Variants in SHISA9 observed in about 807,000 individuals in gnomAD.
SHISA9 encodes the protein shisa family member 9.
In SHISA9, 13 loss-of-function variants were observed where a neutral mutation model predicts 38.0. The ratio of observed to expected loss-of-function variants is 0.34; its 90% CI spans 0.22 to 0.54. The LOEUF (loss-of-function observed/expected upper bound fraction) is 0.54, where lower values mean the gene tolerates loss of function less well. Ranked by LOEUF, SHISA9 falls within the 20% of genes least tolerant of loss-of-function variation. The pLI is 0.91. For synonymous variants in SHISA9, 275 were observed against 242.0 expected (o/e 1.14, Z -1.27); for missense variants, 538 against 575.8 (o/e 0.93, Z 0.67).
At chr16:13,257,151 C>T in the SHISA9 span, among the ~76,000 whole-genome samples, 1 of 152,292 alleles carries the variant, frequency 6.6e-6, no homozygotes, top group South Asian at 2.1e-4. Context: ...CCCTTACATT[C>T]TTTCTCAGCC....
intron 2 of SHISA9, among the ~76,000 whole-genome samples, chr16:12,984,187 T>A (rs11645738): frequency 0.18 from 28,027 of 152,084 alleles, 3,361 homozygotes; most frequent in Middle Eastern, 0.31. Context: ...CCCACCTCTT[T>A]AAGCTTCCTT....
chr16:13,249,593 A>C, the SHISA9 span, among the ~76,000 whole-genome samples: 1 of 152,122 alleles, frequency 6.6e-6, no homozygotes, highest in Non-Finnish European at 1.5e-5. Flanking sequence ...AGACACATAA[A>C]TTACAGACTC....
At chr16:13,405,480 T>G in the SHISA9 span, among the ~76,000 whole-genome samples, 3 of 152,242 alleles carry the variant, frequency 2.0e-5, no homozygotes, top group African/African-American at 7.2e-5. Flanking sequence ...GTTAGTTTCT[T>G]CAACATTTAT....
intron 2 of SHISA9, among the ~76,000 whole-genome samples, chr16:13,039,723 A>G (rs2073112988): frequency 6.6e-6 from 1 of 152,130 alleles, no homozygotes; most frequent in East Asian, 1.9e-4. Flanking sequence ...GAATGCACAA[A>G]CCCCACACAC....
chr16:13,255,095 C>T, the SHISA9 span, among the ~76,000 whole-genome samples: 1 of 152,166 alleles, frequency 6.6e-6, no homozygotes, highest in East Asian at 1.9e-4. Flanking sequence ...TGGAGGACAT[C>T]ACTGATGCCT....
chr16:12,982,127 A>G (rs1311023663), intron 2 of SHISA9, among the ~76,000 whole-genome samples: 1 of 152,238 alleles, frequency 6.6e-6, no homozygotes. Context: ...AGAGAGGTTA[A>G]GAAACTTCCT....
chr16:12,918,312 C>A (rs151281860), intron 2 of SHISA9, among the ~76,000 whole-genome samples: 2 of 152,120 alleles, frequency 1.3e-5, no homozygotes, highest in Non-Finnish European at 2.9e-5. Flanking sequence ...TGAACCTAGT[C>A]GTGTGCTTCA....
chr16:13,040,117 A>T (rs2073117121), intron 2 of SHISA9, among the ~76,000 whole-genome samples: 1 of 152,078 alleles, frequency 6.6e-6, no homozygotes, highest in Non-Finnish European at 1.5e-5. Context: ...CATTCTCTAC[A>T]CGAGAGCCAG....
chr16:12,945,999 T>C (rs1375162108), intron 2 of SHISA9, among the ~76,000 whole-genome samples: 2 of 152,198 alleles, frequency 1.3e-5, no homozygotes, highest in Non-Finnish European at 2.9e-5. Flanking sequence ...TCCTAGCTAC[T>C]TGAGAGGCTA....
chr16:13,134,067 C>T (rs2050327370), intron 2 of SHISA9, among the ~76,000 whole-genome samples: 1 of 152,140 alleles, frequency 6.6e-6, no homozygotes, highest in Non-Finnish European at 1.5e-5. Context: ...TGAGTGTCCA[C>T]TAGGTGTAAG....
At chr16:13,359,788 A>G in the SHISA9 span, among the ~76,000 whole-genome samples, 1 of 152,186 alleles carries the variant, frequency 6.6e-6, no homozygotes, top group African/African-American at 2.4e-5. Flanking sequence ...TTCACTGTGC[A>G]CGGGTTACCA....
intron 1 of SHISA9, chr16:12,909,469 G>A (rs1251437412): frequency 9.1e-6 from 9 of 985,298 alleles, no homozygotes; most frequent in Non-Finnish European, 1.2e-6. Flanking sequence ...AAGATACCGG[G>A]ACTCTGAGTT....
chr16:13,456,198 C>T, the SHISA9 span, among the ~76,000 whole-genome samples: 1 of 152,198 alleles, frequency 6.6e-6, no homozygotes, highest in East Asian at 1.9e-4. Flanking sequence ...GTCACTATGT[C>T]CGGGACACAT....
chr16:13,525,847 T>C, the SHISA9 span, among the ~76,000 whole-genome samples: 1 of 152,242 alleles, frequency 6.6e-6, no homozygotes, highest in African/African-American at 2.4e-5. Flanking sequence ...GAGATTTAGA[T>C]ATTGCAAAGT....
At chr16:13,280,339 A>G in the SHISA9 span, among the ~76,000 whole-genome samples, 1 of 151,590 alleles carries the variant, frequency 6.6e-6, no homozygotes, top group African/African-American at 2.4e-5. Flanking sequence ...TAATTGCTTT[A>G]GGCTTAAATA....
At chr16:13,309,194 G>C in the SHISA9 span, among the ~76,000 whole-genome samples, 1 of 152,054 alleles carries the variant, frequency 6.6e-6, no homozygotes, top group Non-Finnish European at 1.5e-5. Flanking sequence ...GGGCCAGGGG[G>C]TAATGTTGGG....
chr16:13,504,411 A>T, the SHISA9 span, among the ~76,000 whole-genome samples: 2 of 152,188 alleles, frequency 1.3e-5, no homozygotes, highest in Non-Finnish European at 2.9e-5. Context: ...TCACTTGGAA[A>T]ACACGGGCCA....
intron 2 of SHISA9, among the ~76,000 whole-genome samples, chr16:12,921,401 T>G (rs1309088033): frequency 6.6e-6 from 1 of 152,206 alleles, no homozygotes; most frequent in African/African-American, 2.4e-5. Context: ...GGACCATTTA[T>G]GAGTCCATAT....
intron 2 of SHISA9, among the ~76,000 whole-genome samples, chr16:13,192,958 G>A (rs547134868): frequency 2.0e-5 from 3 of 151,772 alleles, no homozygotes; most frequent in South Asian, 2.1e-4. Flanking sequence ...AGAAGGAGGA[G>A]GAGGAAAAGA....
Sources: allele counts gnomAD v4.1 joint callset (sites outside exome capture counted in the v4.1 genomes callset), GRCh38; gene constraint gnomAD v4.1.1; transcripts MANE v1.5; gene names NCBI Gene and HGNC (gene_info 2026-07-23, HGNC 2026-07-21).